ITGB5: variants seen among roughly 807,000 people sequenced by gnomAD.
ITGB5 encodes integrin subunit beta 5, also known as integrin beta-5.
Under a neutral mutation model 84.8 loss-of-function variants are expected in ITGB5, and 38 were observed. That is an observed-to-expected ratio of 0.45 (90% CI 0.35 to 0.59). The LOEUF is 0.59. Among genes scored for constraint, ITGB5 ranks in the 20% least tolerant of loss-of-function variants. ITGB5 has a pLI of 0.01. For missense variants in ITGB5, 905 were observed against 1,034.5 expected, an observed-to-expected ratio of 0.87 and a Z score of 1.72; for synonymous variants, 393 against 414.4, an observed-to-expected ratio of 0.95 and a Z score of 0.63.
intron 6 of ITGB5, among the ~76,000 whole-genome samples, chr3:124,820,543 A>C (rs989272952): frequency 3.9e-5 from 6 of 152,182 alleles, no homozygotes; most frequent in African/African-American, 1.4e-4. Context: ...ACAAGATGGA[A>C]GGCTTGGGCA....
chr3:124,847,802 C>CT (rs1379107014), intron 4 of ITGB5, among the ~76,000 whole-genome samples: 17 of 152,048 alleles, frequency 1.1e-4, no homozygotes, highest in African/African-American at 4.1e-4. Flanking sequence ...TATGTCAAAT[C>CT]TTTTCTAGTT....
At chr3:124,893,755 T>C (rs1045104924) in intron 1 of ITGB5, among the ~76,000 whole-genome samples, 2 of 152,210 alleles carry the variant, frequency 1.3e-5, no homozygotes, top group African/African-American at 4.8e-5. Context: ...GTTCAGCATG[T>C]GCATAGTGGT....
chr3:124,813,201 C>T (rs929094937), intron 8 of ITGB5, among the ~76,000 whole-genome samples: 2 of 152,190 alleles, frequency 1.3e-5, no homozygotes, highest in African/African-American at 2.4e-5. Context: ...CCAGCCTTTC[C>T]CGTTGGCCAG....
At chr3:124,840,531 T>C (rs2064996173) in intron 5 of ITGB5, among the ~76,000 whole-genome samples, 1 of 152,214 alleles carries the variant, frequency 6.6e-6, no homozygotes, top group African/African-American at 2.4e-5. Context: ...TTGCTAAGAT[T>C]GGAACCTCTC....
At chr3:124,841,353 T>C (rs1319773319) in intron 5 of ITGB5, 30 bp downstream of exon 5, 2 of 1,606,118 alleles carry the variant, frequency 1.2e-6, no homozygotes, top group Non-Finnish European at 1.7e-6. Flanking sequence ...GACCTCCCCA[T>C]GCAGGGACAG....
chr3:124,843,856 G>A (rs999321565), intron 4 of ITGB5, among the ~76,000 whole-genome samples: 2 of 152,240 alleles, frequency 1.3e-5, no homozygotes, highest in South Asian at 4.1e-4. Flanking sequence ...ATTAACAAGG[G>A]AGATAAAAAA....
intron 11 of ITGB5, among the ~76,000 whole-genome samples, chr3:124,772,179 C>T (rs2063855724): frequency 1.3e-5 from 2 of 152,170 alleles, no homozygotes; most frequent in Non-Finnish European, 2.9e-5. Context: ...CCTAACCTTC[C>T]CCGGGCTGTT....
chr3:124,883,017 C>T (rs373685833), intron 1 of ITGB5, among the ~76,000 whole-genome samples: 4 of 152,110 alleles, frequency 2.6e-5, no homozygotes, highest in East Asian at 1.9e-4. Context: ...CCATTCGAAC[C>T]GGAAAGAAGG....
intron 2 of ITGB5, among the ~76,000 whole-genome samples, chr3:124,859,970 A>G (rs1372483304): frequency 6.6e-6 from 1 of 152,122 alleles, no homozygotes; most frequent in Non-Finnish European, 1.5e-5. Flanking sequence ...AAATAAGATG[A>G]CATATAAGTA....
chr3:124,836,484 A>T (rs937631690), intron 5 of ITGB5, among the ~76,000 whole-genome samples: 3 of 152,216 alleles, frequency 2.0e-5, no homozygotes, highest in African/African-American at 7.2e-5. Context: ...GTTTTAAATA[A>T]ATAAATGCAG....
chr3:124,877,406 G>A (rs193029131), intron 1 of ITGB5, among the ~76,000 whole-genome samples: 26 of 151,772 alleles, frequency 1.7e-4, no homozygotes, highest in Admixed American at 3.3e-4. Context: ...CTATCTGCAG[G>A]GGAAAAAAAA....
At chr3:124,790,430 A>T (rs1215855112) in intron 10 of ITGB5, among the ~76,000 whole-genome samples, 2 of 143,216 alleles carry the variant, frequency 1.4e-5, no homozygotes, top group Non-Finnish European at 1.5e-5. Context: ...GGTTATCAGA[A>T]CCGCCTTTGA....
intron 1 of ITGB5, among the ~76,000 whole-genome samples, chr3:124,893,461 T>C (rs1416073332): frequency 6.6e-6 from 1 of 152,314 alleles, no homozygotes; most frequent in Non-Finnish European, 1.5e-5. Flanking sequence ...TACCAAATTA[T>C]ATTCCTTTTT....
intron 9 of ITGB5, among the ~76,000 whole-genome samples, chr3:124,798,240 A>G (rs1166079676): frequency 1.3e-5 from 2 of 151,586 alleles, no homozygotes; most frequent in Non-Finnish European, 2.9e-5. Flanking sequence ...TTTAGTAGAG[A>G]TGGGGTTTCA....
chr3:124,765,428 GC>G (rs1262306960), intron 13 of ITGB5, among the ~76,000 whole-genome samples: 5 of 152,186 alleles, frequency 3.3e-5, no homozygotes, highest in Non-Finnish European at 5.9e-5. Context: ...CAGTGGCCCC[GC>G]CCAGGCTGTG....
chr3:124,806,865 C>G (rs748853656), intron 9 of ITGB5, among the ~76,000 whole-genome samples: 1 of 151,674 alleles, frequency 6.6e-6, no homozygotes, highest in African/African-American at 2.4e-5. Flanking sequence ...TACATTGCAA[C>G]TTCCTACAAT....
chr3:124,873,228 C>G (rs1222344382), intron 2 of ITGB5, among the ~76,000 whole-genome samples: 2 of 152,222 alleles, frequency 1.3e-5, no homozygotes, highest in Non-Finnish European at 2.9e-5. Flanking sequence ...TTCCCCAAAA[C>G]AGGATTAGCA....
At chr3:124,895,967 A>G (rs1157607939) in intron 1 of ITGB5, among the ~76,000 whole-genome samples, 1 of 152,232 alleles carries the variant, frequency 6.6e-6, no homozygotes, top group African/African-American at 2.4e-5. Flanking sequence ...AGCTGGCTCT[A>G]TAATTACCAC....
chr3:124,784,113 T>G (rs577704349), intron 10 of ITGB5, among the ~76,000 whole-genome samples: 1 of 152,358 alleles, frequency 6.6e-6, no homozygotes, highest in African/African-American at 2.4e-5. Flanking sequence ...GCATTAACTT[T>G]CTGAGATGAT....
Sources: gnomAD v4.1 joint callset for allele counts (sites outside exome capture counted in the v4.1 genomes callset) on GRCh38, gnomAD v4.1.1 for gene constraint, MANE v1.5 for transcripts, NCBI Gene and HGNC (gene_info 2026-07-23, HGNC 2026-07-21) for gene names.